The following NR3C2 variants were observed in gnomAD, a reference collection of about 807,000 sequenced individuals.
NR3C2 encodes mineralocorticoid receptor.
In NR3C2, 15 loss-of-function variants were observed where a neutral mutation model predicts 86.4. The ratio of observed to expected loss-of-function variants is 0.17; its 90% CI spans 0.12 to 0.27. The LOEUF is 0.27. Ranked by LOEUF, NR3C2 falls within the 10% of genes least tolerant of loss-of-function variation. NR3C2 has a pLI of 1.00. For missense variants in NR3C2, 960 were observed against 1,195.6 expected (o/e 0.80, Z 2.91); for synonymous variants, 458 against 450.5 (o/e 1.02, Z -0.21).
At chr4:148,421,150 C>G (rs1016953605) in intron 2 of NR3C2, among the ~76,000 whole-genome samples, 1 of 152,150 alleles carries the variant, frequency 6.6e-6, no homozygotes, top group African/African-American at 2.4e-5. Flanking sequence ...CAATGTAGCA[C>G]CTCCCTATTT....
At chr4:148,089,331 T>C (rs761157344) in intron 8 of NR3C2, among the ~76,000 whole-genome samples, 4 of 152,230 alleles carry the variant, frequency 2.6e-5, no homozygotes, top group Non-Finnish European at 4.4e-5. Flanking sequence ...AACAGCACCA[T>C]GTTCACACAC....
chr4:148,344,642 C>T (rs533693686), intron 2 of NR3C2, among the ~76,000 whole-genome samples: 16 of 152,296 alleles, frequency 1.1e-4, no homozygotes, highest in African/African-American at 3.4e-4. Flanking sequence ...TGTTTACCTC[C>T]ACTGCTTCTC....
chr4:148,301,856 A>G (rs1304357772), intron 2 of NR3C2, among the ~76,000 whole-genome samples: 1 of 152,226 alleles, frequency 6.6e-6, no homozygotes, highest in Non-Finnish European at 1.5e-5. Flanking sequence ...GTTACCTCAC[A>G]TGTTTAGGTA....
chr4:148,442,642 C>T (rs1012760765), upstream of NR3C2: 6 of 985,378 alleles, frequency 6.1e-6, no homozygotes, highest in South Asian at 9.4e-5. Flanking sequence ...TCTTATTGGA[C>T]AATCCAGGCT....
chr4:148,170,941 TACTG>T (rs1735098260), intron 4 of NR3C2, among the ~76,000 whole-genome samples: 1 of 152,222 alleles, frequency 6.6e-6, no homozygotes, highest in South Asian at 2.1e-4. Flanking sequence ...AGGGTGTATG[TACTG>T]ACTGACAAGC....
At chr4:148,330,839 T>C (rs145284013) in intron 2 of NR3C2, among the ~76,000 whole-genome samples, 10 of 152,278 alleles carry the variant, frequency 6.6e-5, no homozygotes, top group African/African-American at 1.7e-4. Flanking sequence ...GGCGATGAGA[T>C]AGTCCACATG....
chr4:148,299,933 T>C (rs1742253904), intron 2 of NR3C2, among the ~76,000 whole-genome samples: 2 of 152,206 alleles, frequency 1.3e-5, no homozygotes, highest in Admixed American at 6.5e-5. Flanking sequence ...TCACTGTTTA[T>C]ATTCTCTCTA....
At chr4:148,244,759 T>C (rs954949528) in intron 3 of NR3C2, among the ~76,000 whole-genome samples, 2 of 152,222 alleles carry the variant, frequency 1.3e-5, no homozygotes, top group East Asian at 3.8e-4. Flanking sequence ...TAAGTATCCA[T>C]GGTCAGAATT....
intron 2 of NR3C2, among the ~76,000 whole-genome samples, chr4:148,399,489 T>G (rs1748031385): frequency 6.6e-6 from 1 of 152,006 alleles, no homozygotes; most frequent in Non-Finnish European, 1.5e-5. Flanking sequence ...ATATCTTCAT[T>G]ATGGCAAACT....
intron 7 of NR3C2, 145 bp from the exon 8 acceptor site, chr4:148,114,406 G>T: frequency 1.2e-6 from 1 of 840,684 alleles, no homozygotes; most frequent in Non-Finnish European, 1.9e-6. Flanking sequence ...GCTGTCTACT[G>T]GCAAATACTT....
chr4:148,087,409 A>G (rs1410805732), intron 8 of NR3C2, among the ~76,000 whole-genome samples: 1 of 152,218 alleles, frequency 6.6e-6, no homozygotes, highest in East Asian at 1.9e-4. Flanking sequence ...CAAATTTCAT[A>G]TGGAACCAAA....
intron 2 of NR3C2, among the ~76,000 whole-genome samples, chr4:148,429,861 A>G (rs1032770942): frequency 6.6e-6 from 1 of 152,238 alleles, no homozygotes; most frequent in Non-Finnish European, 1.5e-5. Flanking sequence ...TGAATTTAGT[A>G]AACGAAACAA....
At chr4:148,164,606 C>A (rs779362616) in intron 4 of NR3C2, among the ~76,000 whole-genome samples, 2 of 152,300 alleles carry the variant, frequency 1.3e-5, no homozygotes, top group Non-Finnish European at 2.9e-5. Flanking sequence ...GCTGTAGTCA[C>A]ACAGCAAATG....
At chr4:148,379,381 T>C (rs776160221) in intron 2 of NR3C2, among the ~76,000 whole-genome samples, 2 of 152,160 alleles carry the variant, frequency 1.3e-5, no homozygotes, top group Non-Finnish European at 2.9e-5. Flanking sequence ...CAAACCATGA[T>C]GTGCAAATGG....
chr4:148,091,009 T>A (rs1025204972), intron 8 of NR3C2, among the ~76,000 whole-genome samples: 12 of 152,208 alleles, frequency 7.9e-5, no homozygotes, highest in Admixed American at 5.2e-4. Context: ...CACCACCAAC[T>A]ACTACCAGAA....
intron 2 of NR3C2, among the ~76,000 whole-genome samples, chr4:148,383,271 T>C (rs1244777981): frequency 2.0e-5 from 3 of 152,126 alleles, no homozygotes; most frequent in African/African-American, 4.8e-5. Flanking sequence ...AAATCAAGCA[T>C]CAGGCATTAA....
rs143537071 is a variant in NR3C2 at position 148,423,128 on chromosome 4, C to T, written c.1757+11976G>A. 4.1e-4 allele frequency among the ~76,000 whole-genome samples: 62 copies of T among 152,148 alleles called. No individual in the cohort carries two copies. The East Asian group carries it at 0.01, about 25-fold the overall frequency. ...TTGGGCTCCTATCTGCCTAAATTAC[C>T]AATATGACAGCCTCTACACTGTGCT... On this transcript the variant is annotated intron_variant, in intron 2 of 8. Coordinates refer to ENST00000358102, the MANE Select transcript of NR3C2 (RefSeq NM_000901.5).
chr4:148,337,434 C>T (rs779072334), intron 2 of NR3C2, among the ~76,000 whole-genome samples: 6 of 152,174 alleles, frequency 3.9e-5, no homozygotes, highest in Admixed American at 6.5e-5. Context: ...ATTCATAATA[C>T]CACTTCTGAC....
rs1730433046 is a variant in NR3C2 at position 148,079,293 on chromosome 4, A to AAAT, written c.*2048_*2050dup. On this transcript the variant is annotated 3_prime_UTR_variant, in exon 9 of 9. Coordinates refer to ENST00000358102, the MANE Select transcript of NR3C2 (RefSeq NM_000901.5). ...GTATTTAAAGATCTGCCTATAAATT[A>AAAT]AATTCCTGAAATTGCAAATTATGTA... 1 of 152,224 alleles carries AAAT rather than the reference A, an allele frequency of 6.6e-6. No individual in the cohort carries two copies. The highest frequency in any genetic ancestry group is 2.4e-5 in the African/African-American group (1 of 41,454). The allele number at this position is 152,224 out of a possible 1,614,324, so 9.4% of individuals were successfully genotyped here.
Sources: gnomAD v4.1 joint callset for allele counts (sites outside exome capture counted in the v4.1 genomes callset) on GRCh38, gnomAD v4.1.1 for gene constraint, MANE v1.5 for transcripts, NCBI Gene and HGNC (gene_info 2026-07-23, HGNC 2026-07-21) for gene names.